The following ADGRL2 variants were observed in gnomAD, a reference collection of about 807,000 sequenced individuals.
The protein encoded by ADGRL2 is calcium-independent alpha-latrotoxin receptor 2.
A neutral mutation model predicts 157.4 loss-of-function variants in ADGRL2; 44 were observed. That is an observed-to-expected ratio of 0.28 (90% CI 0.22 to 0.36). The LOEUF (loss-of-function observed/expected upper bound fraction) is 0.36, where lower values mean the gene tolerates loss of function less well. ADGRL2 is among the 10% of genes least tolerant of loss of function. ADGRL2 has a pLI of 1.00. For missense variants in ADGRL2, 1,510 were observed against 1,768.9 expected (o/e 0.85, Z 2.63); for synonymous variants, 585 against 624.7 (o/e 0.94, Z 0.95).
chr1:81,729,344 G>A (rs568521232), intron 1 of ADGRL2, among the ~76,000 whole-genome samples: 1 of 151,924 alleles, frequency 6.6e-6, no homozygotes, highest in South Asian at 2.1e-4. Context: ...ACTAAGTATG[G>A]GTTCTTATTT....
At chr1:81,472,162 A>G (rs950557890) in intron 2 of ADGRL2, among the ~76,000 whole-genome samples, 1 of 152,248 alleles carries the variant, frequency 6.6e-6, no homozygotes, top group African/African-American at 2.4e-5. Context: ...ACAAATAAAA[A>G]TAAACAAAAA....
chr1:81,917,498 A>C (rs1272335740), intron 3 of ADGRL2, among the ~76,000 whole-genome samples: 1 of 152,158 alleles, frequency 6.6e-6, no homozygotes, highest in African/African-American at 2.4e-5. Context: ...GGATGTTAGA[A>C]GGAAAAATCT....
intron 3 of ADGRL2, among the ~76,000 whole-genome samples, chr1:81,690,553 C>T (rs374615619): frequency 2.6e-5 from 4 of 152,230 alleles, no homozygotes; most frequent in African/African-American, 9.6e-5. Context: ...TAATCCGGGA[C>T]TATCTTGGAG....
rs115235488 is a variant in ADGRL2, at chr1:81,478,955, G to A, written c.-248+33866G>A. 3.5e-3 allele frequency among the ~76,000 whole-genome samples: 525 copies of A among 151,658 alleles called. 2 individuals carry two copies. Among genetic ancestry groups the A allele is most frequent in the African/African-American group, 0.012 (512 of 41,320 alleles). ...GTGCTAATATCCAAGACTGCACAGT[G>A]AGCTACAAGTGAAAGCTTAATGATC... is the stretch of plus-strand genomic sequence containing the variant. On this transcript the variant is annotated intron_variant, in intron 2 of 24. Coordinates refer to the ADGRL2 transcript ENST00000370721.
At chr1:81,959,269 C>T (rs908615658) in intron 11 of ADGRL2, among the ~76,000 whole-genome samples, 1 of 152,126 alleles carries the variant, frequency 6.6e-6, no homozygotes, top group African/African-American at 2.4e-5. Context: ...TTGCTGATAA[C>T]CTCCTTTCAT....
chr1:81,425,139 AAAAG>A (rs1026826562), intron 1 of ADGRL2, among the ~76,000 whole-genome samples: 24 of 152,364 alleles, frequency 1.6e-4, no homozygotes, highest in Middle Eastern at 6.8e-3. Flanking sequence ...TAGAGAGAAT[AAAAG>A]AAAGAAATTT....
intron 1 of ADGRL2, among the ~76,000 whole-genome samples, chr1:81,832,771 T>C (rs1557733964): frequency 1.3e-5 from 2 of 152,236 alleles, no homozygotes; most frequent in South Asian, 4.1e-4. Context: ...CCTCAAAGAA[T>C]GCTGAATGTC....
intron 2 of ADGRL2, among the ~76,000 whole-genome samples, chr1:81,483,679 A>T (rs1570237565): frequency 6.6e-6 from 1 of 152,330 alleles, no homozygotes; most frequent in East Asian, 1.9e-4. Context: ...TAGCATGATT[A>T]GATTATAAAA....
chr1:81,359,501 C>A (rs1443575260), intron 1 of ADGRL2, among the ~76,000 whole-genome samples: 4 of 151,998 alleles, frequency 2.6e-5, no homozygotes, highest in African/African-American at 9.7e-5. Context: ...GTAATGCCAA[C>A]TTGGTACTTA....
At chr1:81,412,580 G>A (rs191731311) in intron 1 of ADGRL2, among the ~76,000 whole-genome samples, 1 of 152,252 alleles carries the variant, frequency 6.6e-6, no homozygotes, top group African/African-American at 2.4e-5. Flanking sequence ...CTCTAAGCTC[G>A]CTGGGGGAAG....
At chr1:81,573,682 C>T (rs1570541906) in intron 2 of ADGRL2, among the ~76,000 whole-genome samples, 1 of 152,202 alleles carries the variant, frequency 6.6e-6, no homozygotes, top group Middle Eastern at 3.4e-3. Flanking sequence ...CTATCCCGTA[C>T]AAAGTGGTTT....
chr1:81,724,889 T>G (rs773188359), intron 1 of ADGRL2, among the ~76,000 whole-genome samples: 59 of 152,336 alleles, frequency 3.9e-4, no homozygotes, highest in Middle Eastern at 3.4e-3. Context: ...ATTATGCTGA[T>G]GGAGCATGCT....
intron 2 of ADGRL2, among the ~76,000 whole-genome samples, chr1:81,449,233 A>C (rs1482049891): frequency 6.6e-6 from 1 of 151,622 alleles, no homozygotes; most frequent in Non-Finnish European, 1.5e-5. Context: ...ATGGATTTAT[A>C]TTATCCAGGG....
At chr1:81,450,150 C>T (rs1420608213) in intron 2 of ADGRL2, among the ~76,000 whole-genome samples, 1 of 152,086 alleles carries the variant, frequency 6.6e-6, no homozygotes, top group East Asian at 1.9e-4. Context: ...ATAGATGAGT[C>T]CATACCTGGC....
At chr1:81,813,450 G>A (rs2090077235) in intron 1 of ADGRL2, among the ~76,000 whole-genome samples, 1 of 151,634 alleles carries the variant, frequency 6.6e-6, no homozygotes, top group Admixed American at 6.6e-5. Flanking sequence ...AATCCTCTAA[G>A]TAAGGAAACT....
At position 81,444,047 on chromosome 1, in the gene ADGRL2, T is replaced by C. The variant is rs538378244; in HGVS notation, c.-301-989T>C. Reference sequence around the variant, plus strand: ...AAGAAAAGGTCCGGAGACCCACTTGTAGCCAGAGTTTGCAGAAGCTGAGAG... The same window carrying C: ...AAGAAAAGGTCCGGAGACCCACTTGCAGCCAGAGTTTGCAGAAGCTGAGAG... On this transcript the variant is annotated intron_variant, in intron 1 of 24. Transcript: ENST00000370721. Among the ~76,000 whole-genome samples, 8 of 152,354 alleles carry C rather than the reference T, an allele frequency of 5.3e-5. No individual in the cohort carries two copies. The South Asian group carries it at 1.7e-3, about 32-fold the overall frequency.
rs1279410726 is a variant in ADGRL2, at chr1:81,952,035, G to GTT, written c.1688_1689insTT (p.Ser564Ter). ...CAAAGGGCCAGTGTTTGCTGGGGAT[G>GTT]TAAGTTCTTCAGTGAGATTGATGGA... is the stretch of plus-strand genomic sequence containing the variant. On this transcript the variant is annotated frameshift_variant, in exon 9 of 24. Coordinates refer to ENST00000686636, the MANE Select transcript of ADGRL2 (RefSeq NM_001366006.2). LOFTEE classifies it high-confidence loss of function. The GTT allele has an allele frequency of 6.2e-7, 1 of 1,613,818 alleles. No homozygotes were observed.
intron 2 of ADGRL2, among the ~76,000 whole-genome samples, chr1:81,788,965 C>A (rs1010231735): frequency 5.3e-5 from 8 of 152,186 alleles, no homozygotes; most frequent in Non-Finnish European, 1.0e-4. Context: ...ATCCACCCGC[C>A]TTGGCCTCCC....
chr1:81,568,908 A>C (rs2080623401), intron 2 of ADGRL2, among the ~76,000 whole-genome samples: 1 of 152,166 alleles, frequency 6.6e-6, no homozygotes, highest in South Asian at 2.1e-4. Flanking sequence ...GTTATGTAGC[A>C]ATAATACAGA....
Sources: allele counts gnomAD v4.1 joint callset (sites outside exome capture counted in the v4.1 genomes callset), GRCh38; gene constraint gnomAD v4.1.1; transcripts MANE v1.5; gene names NCBI Gene and HGNC (gene_info 2026-07-23, HGNC 2026-07-21).